The following BACH2 variants were observed in gnomAD, a reference collection of about 807,000 sequenced individuals.
BACH2 encodes BACH transcriptional regulator 2.
Under a neutral mutation model 61.8 loss-of-function variants are expected in BACH2, and 5 were observed. That is an observed-to-expected ratio of 0.08 (90% confidence interval 0.04 to 0.17). The LOEUF is 0.17. Among genes scored for constraint, BACH2 ranks in the 10% least tolerant of loss-of-function variants. The pLI is 1.00. For missense variants in BACH2, 824 were observed against 1,091.1 expected, an observed-to-expected ratio of 0.76 and a Z score of 3.45; for synonymous variants, 446 against 440.1, an observed-to-expected ratio of 1.01 and a Z score of -0.17.
intron 3 of BACH2, among the ~76,000 whole-genome samples, chr6:90,233,529 A>G (rs1770165035): frequency 6.6e-6 from 1 of 152,202 alleles, no homozygotes; most frequent in South Asian, 2.1e-4. Flanking sequence ...ATGACCCTGG[A>G]CAAGGTATCA....
intron 5 of BACH2, among the ~76,000 whole-genome samples, chr6:90,060,519 G>T (rs1780630103): frequency 6.6e-6 from 1 of 151,886 alleles, no homozygotes; most frequent in Non-Finnish European, 1.5e-5. Context: ...GACCATTGTT[G>T]TTCACCATTC....
chr6:90,155,348 C>A (rs1394607264), intron 4 of BACH2, among the ~76,000 whole-genome samples: 1 of 152,158 alleles, frequency 6.6e-6, no homozygotes, highest in Admixed American at 6.5e-5. Context: ...AAACACATGG[C>A]AGTAGGTGTC....
chr6:90,024,804 C>A (rs569465353), intron 5 of BACH2, among the ~76,000 whole-genome samples: 16 of 152,294 alleles, frequency 1.1e-4, no homozygotes, highest in African/African-American at 3.9e-4. Context: ...ACAGAGTCAA[C>A]CCAAAGGATG....
chr6:90,017,186 AT>A lies in BACH2; in HGVS notation c.-12-8331del, dbSNP rs955333175. Among the ~76,000 whole-genome samples the A allele has an allele frequency of 6.4e-3, 948 of 148,240 alleles. 7 individuals carry two copies. Among genetic ancestry groups the A allele is most frequent in the African/African-American group, 0.021 (835 of 40,386 alleles). On this transcript the variant is annotated intron_variant, in intron 5 of 8. Coordinates refer to ENST00000257749, the MANE Select transcript of BACH2 (RefSeq NM_021813.4). ...TTTGTCCCGTCGCTCACAAATGCCC[AT>A]TTTTTTTTTCTTTTGGTACTTTAAA...
At chr6:89,945,356 C>A (rs1057209549) in intron 7 of BACH2, among the ~76,000 whole-genome samples, 1 of 152,236 alleles carries the variant, frequency 6.6e-6, no homozygotes, top group Non-Finnish European at 1.5e-5. Context: ...TTAAAAGCAA[C>A]AAAGTACTAA....
intron 3 of BACH2, among the ~76,000 whole-genome samples, chr6:90,249,673 G>A (rs1256469669): frequency 6.6e-6 from 1 of 152,142 alleles, no homozygotes; most frequent in Non-Finnish European, 1.5e-5. Context: ...TCGAGAGGCT[G>A]ACGTGGGGGA....
intron 6 of BACH2, among the ~76,000 whole-genome samples, chr6:89,966,824 T>A (rs973660207): frequency 1.3e-5 from 2 of 152,186 alleles, no homozygotes; most frequent in African/African-American, 4.8e-5. Context: ...GAGCAGTGTG[T>A]CCAGGACTTC....
chr6:90,103,031 T>TATATA (rs59852999), intron 4 of BACH2, among the ~76,000 whole-genome samples: 86 of 29,158 alleles, frequency 2.9e-3, no homozygotes, highest in East Asian at 0.011. Context: ...ATATATATAT[T>TATATA]TTTTTTTTTT....
chr6:90,068,919 T>C (rs1781092947), intron 5 of BACH2, among the ~76,000 whole-genome samples: 1 of 152,198 alleles, frequency 6.6e-6, no homozygotes, highest in South Asian at 2.1e-4. Context: ...CCGTAATCAT[T>C]ACATCACACT....
intron 4 of BACH2, among the ~76,000 whole-genome samples, chr6:90,161,991 C>G (rs1487349702): frequency 6.6e-6 from 1 of 152,156 alleles, no homozygotes; most frequent in East Asian, 1.9e-4. Context: ...GAGATTCAGA[C>G]TGAGCAGGAG....
chr6:89,966,631 A>G lies in BACH2; in HGVS notation c.244-14769T>C, dbSNP rs369021826. On this transcript the variant is annotated intron_variant, in intron 6 of 8. Coordinates refer to ENST00000257749, the MANE Select transcript of BACH2 (RefSeq NM_021813.4). Reference sequence around the variant, plus strand: ...TTAACTGAGTTTGAATCTTTTCTATATGTTATTCCTGTCTGTCAAGGGAGG... The same window carrying G: ...TTAACTGAGTTTGAATCTTTTCTATGTGTTATTCCTGTCTGTCAAGGGAGG... Among the ~76,000 whole-genome samples the G allele has an allele frequency of 6.6e-5, 10 of 152,242 alleles. No individual in the cohort carries two copies. The East Asian group carries it at 1.9e-3, about 29-fold the overall frequency.
chr6:90,077,610 T>TGGTA (rs1781529350), intron 5 of BACH2, among the ~76,000 whole-genome samples: 2 of 152,060 alleles, frequency 1.3e-5, no homozygotes, highest in Admixed American at 1.3e-4. Context: ...GGGACAGGGA[T>TGGTA]GGTAGGACAG....
At chr6:89,995,209 AGTT>A (rs1432022106) in intron 6 of BACH2, among the ~76,000 whole-genome samples, 1 of 152,142 alleles carries the variant, frequency 6.6e-6, no homozygotes, top group Non-Finnish European at 1.5e-5. Context: ...GCCTGCAAGA[AGTT>A]GTCCTGTAGA....
intron 5 of BACH2, among the ~76,000 whole-genome samples, chr6:90,056,047 G>A (rs564652935): frequency 1.1e-3 from 164 of 152,284 alleles, no homozygotes; most frequent in African/African-American, 3.7e-3. Context: ...TCAAGGCTAG[G>A]AAGAAACTGC....
intron 4 of BACH2, among the ~76,000 whole-genome samples, chr6:90,105,662 G>A (rs150314653): frequency 5.3e-4 from 81 of 152,308 alleles, no homozygotes; most frequent in African/African-American, 1.9e-3. Flanking sequence ...ACTTTCAGGA[G>A]TTTCCCAAAG....
At position 90,281,056 on chromosome 6, in the gene BACH2, C is replaced by T. The variant is rs887571078; in HGVS notation, c.-445-9115G>A. Among the ~76,000 whole-genome samples, 11 of 152,130 alleles carry T rather than the reference C, an allele frequency of 7.2e-5. No individual in the cohort carries two copies. In the East Asian group the frequency reaches 7.7e-4, roughly 11 times the overall value. On this transcript the variant is annotated intron_variant, in intron 1 of 8. Transcript: ENST00000257749. ...GGTGAAAATCTTTCTTAAAATAAAT[C>T]CCTTGGGACAAGACATAGCATCCCA...
intron 6 of BACH2, among the ~76,000 whole-genome samples, chr6:89,954,514 A>G (rs983755243): frequency 1.2e-4 from 9 of 73,896 alleles, no homozygotes; most frequent in African/African-American, 4.8e-4. Context: ...CATCCTTATC[A>G]CCATTTTTTT....
At chr6:90,098,423 C>T (rs1490747002) in intron 4 of BACH2, among the ~76,000 whole-genome samples, 2 of 152,166 alleles carry the variant, frequency 1.3e-5, no homozygotes, top group South Asian at 2.1e-4. Flanking sequence ...ACTAAGAATT[C>T]ATTTTTATTC....
chr6:89,975,992 C>T (rs1277284663), intron 6 of BACH2, among the ~76,000 whole-genome samples: 1 of 152,242 alleles, frequency 6.6e-6, no homozygotes, highest in Non-Finnish European at 1.5e-5. Flanking sequence ...TGCTCACATT[C>T]TCTCACAGTT....
Sources: allele counts gnomAD v4.1 joint callset (sites outside exome capture counted in the v4.1 genomes callset), GRCh38; gene constraint gnomAD v4.1.1; transcripts MANE v1.5; gene names NCBI Gene and HGNC (gene_info 2026-07-23, HGNC 2026-07-21).